NKAIN2: variants seen among roughly 807,000 people sequenced by gnomAD.
NKAIN2 encodes sodium/potassium-transporting ATPase subunit beta-1-interacting protein 2.
A neutral mutation model predicts 32.6 loss-of-function variants in NKAIN2; 14 were observed. The ratio of observed to expected loss-of-function variants is 0.43; its 90% CI spans 0.28 to 0.67. The LOEUF is 0.67. Among genes scored for constraint, NKAIN2 ranks in the 30% least tolerant of loss-of-function variants. NKAIN2 has a pLI of 0.17. For synonymous variants in NKAIN2, 80 were observed against 87.2 expected (o/e 0.92, Z 0.46); for missense variants, 198 against 258.3 (o/e 0.77, Z 1.60).
intron 1 of NKAIN2, among the ~76,000 whole-genome samples, chr6:124,212,966 T>C (rs1791267082): frequency 1.3e-5 from 2 of 152,144 alleles, no homozygotes; most frequent in Admixed American, 6.6e-5. Context: ...AATTGGACTA[T>C]TGAATGTTTA....
At chr6:124,587,743 G>T (rs1413246574) in intron 3 of NKAIN2, among the ~76,000 whole-genome samples, 1 of 152,106 alleles carries the variant, frequency 6.6e-6, no homozygotes, top group East Asian at 1.9e-4. Context: ...CAGGTATTCT[G>T]GTCCTCTCCC....
chr6:124,325,359 A>G (rs186431159), intron 2 of NKAIN2, among the ~76,000 whole-genome samples: 1 of 152,216 alleles, frequency 6.6e-6, no homozygotes, highest in Admixed American at 6.5e-5. Context: ...TCTTTTAATG[A>G]CATACTCTGT....
intron 3 of NKAIN2, among the ~76,000 whole-genome samples, chr6:124,452,747 A>C (rs182680320): frequency 2.6e-5 from 4 of 152,134 alleles, no homozygotes; most frequent in African/African-American, 9.7e-5. Context: ...TAAAAACTGA[A>C]AGTATATTGG....
chr6:124,711,256 G>T, intron 4 of NKAIN2, among the ~76,000 whole-genome samples: 1 of 70,178 alleles, frequency 1.4e-5, no homozygotes, highest in African/African-American at 6.4e-5. Flanking sequence ...CTCTGGCTGC[G>T]CTTAACATTT....
At chr6:123,965,013 C>G (rs1243580429) in intron 1 of NKAIN2, among the ~76,000 whole-genome samples, 2 of 152,076 alleles carry the variant, frequency 1.3e-5, no homozygotes, top group African/African-American at 4.8e-5. Context: ...TATGAGATCC[C>G]TGTTTTCTGC....
chr6:124,465,579 T>C (rs944767844), intron 3 of NKAIN2, among the ~76,000 whole-genome samples: 8 of 150,648 alleles, frequency 5.3e-5, no homozygotes, highest in African/African-American at 1.2e-4. Flanking sequence ...TGTATACCTA[T>C]GTAACAAACC....
intron 1 of NKAIN2, among the ~76,000 whole-genome samples, chr6:124,068,360 T>G (rs1783288586): frequency 6.6e-6 from 1 of 152,134 alleles, no homozygotes; most frequent in South Asian, 2.1e-4. Flanking sequence ...AGACATAAAA[T>G]AATCTAGGCA....
chr6:124,396,051 C>T (rs1410694031), intron 3 of NKAIN2, among the ~76,000 whole-genome samples: 1 of 152,048 alleles, frequency 6.6e-6, no homozygotes, highest in African/African-American at 2.4e-5. Flanking sequence ...GTATAACTTC[C>T]ATGGTACTTT....
intron 1 of NKAIN2, among the ~76,000 whole-genome samples, chr6:124,199,104 A>G (rs1252733331): frequency 6.6e-6 from 1 of 152,140 alleles, no homozygotes; most frequent in Admixed American, 6.5e-5. Flanking sequence ...CTATTTTTAG[A>G]TTTACTTTGC....
At chr6:124,061,564 G>C (rs1456373610) in intron 1 of NKAIN2, among the ~76,000 whole-genome samples, 1 of 152,074 alleles carries the variant, frequency 6.6e-6, no homozygotes, top group African/African-American at 2.4e-5. Context: ...GGTATTCAAA[G>C]AGAGTAAATG....
intron 3 of NKAIN2, among the ~76,000 whole-genome samples, chr6:124,599,561 C>T (rs1326694483): frequency 6.6e-6 from 1 of 152,094 alleles, no homozygotes; most frequent in Non-Finnish European, 1.5e-5. Context: ...GATCCTTGTA[C>T]CCTGAGTACC....
At chr6:124,792,102 G>A (rs2114809300) in intron 5 of NKAIN2, among the ~76,000 whole-genome samples, 1 of 152,116 alleles carries the variant, frequency 6.6e-6, no homozygotes, top group East Asian at 1.9e-4. Flanking sequence ...GGAGAACTGG[G>A]GAAAGTACTT....
At chr6:124,292,651 C>A (rs1203637059) in intron 2 of NKAIN2, among the ~76,000 whole-genome samples, 2 of 121,728 alleles carry the variant, frequency 1.6e-5, no homozygotes, top group African/African-American at 1.2e-4. Context: ...GTTTAAAGGC[C>A]TTTTACATTG....
intron 4 of NKAIN2, among the ~76,000 whole-genome samples, chr6:124,773,638 A>C (rs1778857630): frequency 6.6e-6 from 1 of 152,214 alleles, no homozygotes; most frequent in Admixed American, 6.5e-5. Flanking sequence ...AAGAGGGACT[A>C]GACCCAGCAA....
At chr6:124,312,343 C>T (rs1482378182) in intron 2 of NKAIN2, among the ~76,000 whole-genome samples, 3 of 152,132 alleles carry the variant, frequency 2.0e-5, no homozygotes, top group Non-Finnish European at 4.4e-5. Context: ...TCAGATCCCA[C>T]AGGTTGAGAC....
chr6:123,936,074 A>G (rs567124436), intron 1 of NKAIN2, among the ~76,000 whole-genome samples: 15 of 152,320 alleles, frequency 9.8e-5, no homozygotes, highest in African/African-American at 3.4e-4. Context: ...ATCCACTATT[A>G]CAAAAAAATA....
intron 3 of NKAIN2, among the ~76,000 whole-genome samples, chr6:124,454,857 C>T (rs1380873814): frequency 6.6e-6 from 1 of 151,994 alleles, no homozygotes; most frequent in Non-Finnish European, 1.5e-5. Context: ...GCATTGAAAA[C>T]AAATGGTGTT....
chr6:124,406,128 G>C (rs1773849045), intron 3 of NKAIN2, among the ~76,000 whole-genome samples: 1 of 151,578 alleles, frequency 6.6e-6, no homozygotes. Context: ...GGTAAGTTTT[G>C]ACATATGTAT....
chr6:124,748,943 T>G (rs550873187), intron 4 of NKAIN2, among the ~76,000 whole-genome samples: 1 of 151,816 alleles, frequency 6.6e-6, no homozygotes, highest in Non-Finnish European at 1.5e-5. Flanking sequence ...CAACAAAAAT[T>G]TATTGTCTCA....
Sources: allele counts gnomAD v4.1 joint callset (sites outside exome capture counted in the v4.1 genomes callset), GRCh38; gene constraint gnomAD v4.1.1; transcripts MANE v1.5; gene names NCBI Gene and HGNC (gene_info 2026-07-23, HGNC 2026-07-21).